The following NLGN1 variants were observed in gnomAD, a reference collection of about 807,000 sequenced individuals.
NLGN1 encodes neuroligin-1.
In NLGN1, 12 loss-of-function variants were observed where a neutral mutation model predicts 65.5. The ratio of observed to expected loss-of-function variants is 0.18; its 90% CI spans 0.12 to 0.30. NLGN1 has a LOEUF of 0.30. Ranked by LOEUF, NLGN1 falls within the 10% of genes least tolerant of loss-of-function variation. NLGN1 has a pLI of 1.00. For missense variants in NLGN1, 750 were observed against 1,007.1 expected (o/e 0.74, Z 3.46); for synonymous variants, 350 against 359.5 (o/e 0.97, Z 0.30).
chr3:173,518,567 G>A (rs1049370128), intron 2 of NLGN1, among the ~76,000 whole-genome samples: 3 of 151,032 alleles, frequency 2.0e-5, no homozygotes, highest in African/African-American at 7.3e-5. Context: ...TGTGTGTGTG[G>A]TGTGTGTGAG....
chr3:173,703,504 G>GT (rs1295916698), intron 3 of NLGN1, among the ~76,000 whole-genome samples: 1 of 151,896 alleles, frequency 6.6e-6, no homozygotes, highest in African/African-American at 2.4e-5. Context: ...TTTTACTAAC[G>GT]TTTGTGTTTT....
intron 2 of NLGN1, among the ~76,000 whole-genome samples, chr3:173,521,408 T>C (rs370987333): frequency 2.6e-5 from 4 of 151,056 alleles, no homozygotes; most frequent in Non-Finnish European, 4.4e-5. Flanking sequence ...CTACAAACTT[T>C]ACTTGTTAAA....
intron 4 of NLGN1, among the ~76,000 whole-genome samples, chr3:174,054,319 G>A (rs1735562299): frequency 6.6e-6 from 1 of 152,020 alleles, no homozygotes; most frequent in Non-Finnish European, 1.5e-5. Flanking sequence ...ACACATGCAA[G>A]TAATTTTATT....
intron 4 of NLGN1, among the ~76,000 whole-genome samples, chr3:174,265,232 T>C (rs1363866322): frequency 2.0e-5 from 3 of 151,706 alleles, no homozygotes; most frequent in Non-Finnish European, 2.9e-5. Context: ...CCAGCTGCTT[T>C]GTTTACCTAA....
At chr3:173,718,155 T>A (rs1246770874) in intron 3 of NLGN1, among the ~76,000 whole-genome samples, 3 of 152,116 alleles carry the variant, frequency 2.0e-5, no homozygotes, top group Non-Finnish European at 2.9e-5. Context: ...TTGGGAACAT[T>A]TTGCCTCTTC....
intron 4 of NLGN1, among the ~76,000 whole-genome samples, chr3:174,185,168 CTG>C (rs1731165964): frequency 6.6e-6 from 1 of 152,096 alleles, no homozygotes; most frequent in Admixed American, 6.6e-5. Flanking sequence ...GTTATTGTCT[CTG>C]TGAAGCCTTT....
intron 4 of NLGN1, among the ~76,000 whole-genome samples, chr3:174,266,205 C>T (rs1748201664): frequency 6.6e-6 from 1 of 151,972 alleles, no homozygotes; most frequent in Non-Finnish European, 1.5e-5. Flanking sequence ...TTCACCCTCC[C>T]CCTAGCCTCC....
chr3:174,236,661 C>T (rs1741775646), intron 4 of NLGN1, among the ~76,000 whole-genome samples: 1 of 151,984 alleles, frequency 6.6e-6, no homozygotes, highest in Non-Finnish European at 1.5e-5. Context: ...TTTTACATGT[C>T]TTTAATATGT....
intron 2 of NLGN1, among the ~76,000 whole-genome samples, chr3:173,498,619 G>A (rs1167403368): frequency 6.6e-6 from 1 of 151,788 alleles, no homozygotes; most frequent in African/African-American, 2.4e-5. Flanking sequence ...GATCCCTGAG[G>A]AATCACCACA....
chr3:174,065,683 A>G (rs1738379999), intron 4 of NLGN1, among the ~76,000 whole-genome samples: 1 of 152,056 alleles, frequency 6.6e-6, no homozygotes, highest in African/African-American at 2.4e-5. Flanking sequence ...ATATGTTAAA[A>G]GTGATGAAAT....
At chr3:173,927,326 TG>T (rs1232774189) in intron 4 of NLGN1, among the ~76,000 whole-genome samples, 1 of 152,208 alleles carries the variant, frequency 6.6e-6, no homozygotes, top group Admixed American at 6.5e-5. Context: ...CCTCCCAAAA[TG>T]CTGGATTACA....
At chr3:173,748,801 T>C (rs1369711236) in intron 3 of NLGN1, among the ~76,000 whole-genome samples, 2 of 152,134 alleles carry the variant, frequency 1.3e-5, no homozygotes, top group East Asian at 1.9e-4. Flanking sequence ...GCTACATTTG[T>C]AGATCAAGCC....
chr3:173,548,603 G>A (rs1019013608), intron 2 of NLGN1, among the ~76,000 whole-genome samples: 1 of 151,810 alleles, frequency 6.6e-6, no homozygotes, highest in East Asian at 1.9e-4. Context: ...GGAAAATACA[G>A]TATGTGATTT....
chr3:173,994,244 A>G (rs1337125964), intron 4 of NLGN1, among the ~76,000 whole-genome samples: 1 of 151,884 alleles, frequency 6.6e-6, no homozygotes, highest in East Asian at 1.9e-4. Flanking sequence ...AGCAGCTGAG[A>G]CTACAAGAGT....
intron 4 of NLGN1, among the ~76,000 whole-genome samples, chr3:173,883,982 A>G (rs549549447): frequency 6.6e-6 from 1 of 151,810 alleles, no homozygotes; most frequent in African/African-American, 2.4e-5. Flanking sequence ...ACCATAATAA[A>G]TTATCCTCCC....
chr3:174,150,087 G>A (rs904338965), intron 4 of NLGN1, among the ~76,000 whole-genome samples: 2 of 152,042 alleles, frequency 1.3e-5, no homozygotes, highest in Admixed American at 6.6e-5. Context: ...TAGCAAACCA[G>A]TCACAGTGTA....
chr3:173,535,859 C>A (rs1560398922), intron 2 of NLGN1, among the ~76,000 whole-genome samples: 1 of 152,122 alleles, frequency 6.6e-6, no homozygotes, highest in Admixed American at 6.5e-5. Context: ...TAAATACAGG[C>A]AAGGGCATGC....
chr3:173,748,387 G>A (rs1483826150), intron 3 of NLGN1, among the ~76,000 whole-genome samples: 1 of 152,090 alleles, frequency 6.6e-6, no homozygotes, highest in African/African-American at 2.4e-5. Flanking sequence ...GGTATGTGCA[G>A]AACAACTAGA....
At chr3:174,197,477 A>T (rs1157076130) in intron 4 of NLGN1, among the ~76,000 whole-genome samples, 4 of 150,544 alleles carry the variant, frequency 2.7e-5, no homozygotes, top group African/African-American at 9.8e-5. Context: ...TCAAGACTTT[A>T]TAAAAGGAGA....
Sources: gnomAD v4.1 joint callset for allele counts (sites outside exome capture counted in the v4.1 genomes callset) on GRCh38, gnomAD v4.1.1 for gene constraint, MANE v1.5 for transcripts, NCBI Gene and HGNC (gene_info 2026-07-23, HGNC 2026-07-21) for gene names.